CLASP1: variants seen among roughly 807,000 people sequenced by gnomAD.
The protein encoded by CLASP1 is CLIP-associating protein 1.
Under a neutral mutation model 192.3 loss-of-function variants are expected in CLASP1, and 38 were observed. The observed-to-expected ratio is 0.20, with a 90% CI of 0.15 to 0.26. CLASP1 has a LOEUF of 0.26. CLASP1 is among the 10% of genes least tolerant of loss of function. The pLI, the probability that CLASP1 is intolerant of heterozygous loss-of-function variation, is 1.00. For missense variants in CLASP1, 1,433 were observed against 1,932.5 expected (o/e 0.74, Z 4.85); for synonymous variants, 691 against 712.8 (o/e 0.97, Z 0.49).
intron 37 of CLASP1, among the ~76,000 whole-genome samples, chr2:121,358,928 C>T (rs531364241): frequency 6.6e-6 from 1 of 152,334 alleles, no homozygotes; most frequent in East Asian, 1.9e-4. Context: ...TTTTAACAGA[C>T]AAGTGTAACT....
intron 1 of CLASP1, among the ~76,000 whole-genome samples, chr2:121,611,265 G>A (rs1323896130): frequency 9.1e-4 from 119 of 131,238 alleles, no homozygotes; most frequent in Middle Eastern, 4.8e-3. Context: ...AGTTACAGGA[G>A]GAAGAGGAAC....
chr2:121,448,093 C>T (rs747458796), intron 18 of CLASP1, among the ~76,000 whole-genome samples, 183 bp downstream of exon 18: 6 of 152,230 alleles, frequency 3.9e-5, no homozygotes, highest in South Asian at 2.1e-4. Context: ...TCCTCAGCAG[C>T]GAGTGGCCCT....
At chr2:121,504,518 T>C (rs12052707) in intron 7 of CLASP1, among the ~76,000 whole-genome samples, 6,157 of 152,298 alleles carry the variant, frequency 0.04, 159 homozygotes, top group East Asian at 0.14. Flanking sequence ...TACATCACTA[T>C]GTTAGACAGC....
intron 24 of CLASP1, 61 bp from the exon 26 acceptor site, chr2:121,407,776 T>C (rs1041298224): frequency 1.3e-6 from 2 of 1,589,346 alleles, no homozygotes; most frequent in Admixed American, 1.7e-5. Context: ...GAAATGACTG[T>C]GAGTCACACC....
At chr2:121,531,034 C>A (rs762919560) in intron 2 of CLASP1, 40 of 699,160 alleles carry the variant, frequency 5.7e-5, no homozygotes, top group Non-Finnish European at 9.4e-5. Context: ...ATAGACTTAT[C>A]AGTTCAAACA....
exon 40 of CLASP1, chr2:121,339,630 A>C (rs755387335): frequency 2.0e-5 from 3 of 152,216 alleles, no homozygotes; most frequent in African/African-American, 4.8e-5. Context: ...TTCGCTGAGG[A>C]GGAAGAGAGA....
chr2:121,361,445 G>A (rs1333228085), intron 37 of CLASP1, among the ~76,000 whole-genome samples: 1 of 152,218 alleles, frequency 6.6e-6, no homozygotes, highest in African/African-American at 2.4e-5. Flanking sequence ...CCTTAACGGA[G>A]ACACAAAACC....
intron 22 of CLASP1, among the ~76,000 whole-genome samples, chr2:121,423,803 GA>G (rs2079941085): frequency 6.6e-6 from 1 of 152,194 alleles, no homozygotes; most frequent in Admixed American, 6.5e-5. Context: ...CTAAAACCAA[GA>G]AATACTTTCT....
At chr2:121,566,748 A>G (rs2059538484) in intron 2 of CLASP1, among the ~76,000 whole-genome samples, 1 of 152,196 alleles carries the variant, frequency 6.6e-6, no homozygotes, top group South Asian at 2.1e-4. Context: ...ACATTCCAGT[A>G]ATCCATCCTC....
chr2:121,516,838 C>G (rs760971699), intron 6 of CLASP1, among the ~76,000 whole-genome samples: 2 of 151,438 alleles, frequency 1.3e-5, no homozygotes, highest in Admixed American at 1.3e-4. Flanking sequence ...ACCAGCCTGG[C>G]CAACATGGTG....
chr2:121,483,075 G>A (rs1247399959), intron 8 of CLASP1, among the ~76,000 whole-genome samples: 1 of 152,184 alleles, frequency 6.6e-6, no homozygotes, highest in Non-Finnish European at 1.5e-5. Context: ...GAAATAAGTA[G>A]TCATCTGTAG....
At chr2:121,429,952 C>CA in intron 20 of CLASP1, 121 bp downstream of exon 20, 1 of 716,512 alleles carries the variant, frequency 1.4e-6, no homozygotes, top group Non-Finnish European at 2.3e-6. Context: ...CACAGTATCT[C>CA]AGAGCCACAA....
chr2:121,546,749 G>A (rs1000004283), intron 2 of CLASP1, among the ~76,000 whole-genome samples: 10 of 152,080 alleles, frequency 6.6e-5, no homozygotes, highest in Non-Finnish European at 1.2e-4. Flanking sequence ...TGGGCTTCAG[G>A]GCAAAAGGAG....
At chr2:121,615,386 ATAAG>A (rs1398122958) in intron 1 of CLASP1, among the ~76,000 whole-genome samples, 1 of 152,174 alleles carries the variant, frequency 6.6e-6, no homozygotes, top group Non-Finnish European at 1.5e-5. Context: ...GAAAAACAGC[ATAAG>A]TAAAATGAGG....
Position 121,451,974 on chromosome 2 carries a change from T to C in CLASP1, c.1386-125A>G, listed in dbSNP as rs3765030. The C allele has an allele frequency of 1.9e-3, 1,348 of 694,194 alleles. 27 individuals are homozygous for C. The East Asian group carries it at 0.025, about 13-fold the overall frequency. The allele number at this position is 694,194 out of a possible 1,614,324, so 43.0% of individuals were successfully genotyped here. A position where few individuals can be genotyped will look rare whatever the true frequency, so the allele number is the denominator to read the frequency against. On this transcript the variant is annotated intron_variant, in intron 14 of 39. Coordinates refer to ENST00000263710, the Ensembl canonical transcript of CLASP1. ...GTACATTTCTTCTGATTTTTATGAT[T>C]AGAAAAACAGAACATAAAGAATGAA...
chr2:121,380,796 T>G (rs1403622914), intron 33 of CLASP1, among the ~76,000 whole-genome samples: 1 of 152,222 alleles, frequency 6.6e-6, no homozygotes, highest in African/African-American at 2.4e-5. Context: ...CTGCCTCCAA[T>G]GGGCAACAGA....
chr2:121,363,026 G>A (rs1017682501), intron 37 of CLASP1, 146 bp downstream of exon 38: 2 of 966,488 alleles, frequency 2.1e-6, no homozygotes, highest in African/African-American at 3.3e-5. Flanking sequence ...CGACAGCAAT[G>A]GGGACTCCAC....
intron 1 of CLASP1, among the ~76,000 whole-genome samples, chr2:121,618,647 A>G (rs2066838957): frequency 6.6e-6 from 1 of 151,812 alleles, no homozygotes; most frequent in African/African-American, 2.4e-5. Context: ...ACCTTTATGC[A>G]TTATGAATGT....
At chr2:121,388,827 T>C (rs2149389697) in intron 30 of CLASP1, among the ~76,000 whole-genome samples, 1 of 152,326 alleles carries the variant, frequency 6.6e-6, no homozygotes, top group Admixed American at 6.5e-5. Flanking sequence ...AATCACTTAT[T>C]TTTCATTTTT....
Sources: allele counts gnomAD v4.1 joint callset (sites outside exome capture counted in the v4.1 genomes callset), GRCh38; gene constraint gnomAD v4.1.1; transcripts MANE v1.5; gene names NCBI Gene and HGNC (gene_info 2026-07-23, HGNC 2026-07-21).